The following NPFFR2 variants were observed in gnomAD, a reference collection of about 807,000 sequenced individuals.
NPFFR2 encodes the protein neuropeptide FF receptor 2, also known as G-protein coupled receptor 74.
A neutral mutation model predicts 13.1 loss-of-function variants in NPFFR2; 15 were observed. That is an observed-to-expected ratio of 1.15 (90% CI 0.77 to 1.76). NPFFR2 has a LOEUF of 1.76. NPFFR2 is among the 40% of genes most tolerant of loss of function. The probability of loss-of-function intolerance (pLI) is 0.00; values close to 1 mark genes in which losing one functional copy is unlikely to be tolerated. For synonymous variants in NPFFR2, 190 were observed against 175.7 expected (o/e 1.08, Z -0.65); for missense variants, 572 against 503.5 (o/e 1.14, Z -1.30).
chr4:72,048,178 A>T (rs909893958), intron 1 of NPFFR2, among the ~76,000 whole-genome samples: 1 of 152,222 alleles, frequency 6.6e-6, no homozygotes, highest in African/African-American at 2.4e-5. Flanking sequence ...ATTGGCAGCA[A>T]GATTCAATGG....
intron 1 of NPFFR2, among the ~76,000 whole-genome samples, chr4:72,066,343 C>T (rs1199434323): frequency 6.6e-6 from 1 of 152,138 alleles, no homozygotes; most frequent in Non-Finnish European, 1.5e-5. Context: ...TCTCGTTGGT[C>T]ATTAAGTTTT....
At position 72,032,037 on chromosome 4, in the gene NPFFR2, G is replaced by C. The variant is rs748302459; in HGVS notation, c.-171G>C. ...GCAGCGCGGCGGGCCAGCCTGGAGC[G>C]GAAGCCTGGAGTGGAGCAGGCAGTC... On this transcript the variant is annotated 5_prime_UTR_variant, in exon 1 of 4. Transcript: ENST00000308744. 2 of 1,614,002 alleles carry C rather than the reference G, an allele frequency of 1.2e-6. No homozygotes were observed. Among genetic ancestry groups the C allele is most frequent in the African/African-American group, 1.3e-5 (1 of 75,054 alleles).
At chr4:72,033,668 T>C (rs891698571) in intron 1 of NPFFR2, among the ~76,000 whole-genome samples, 1 of 152,220 alleles carries the variant, frequency 6.6e-6, no homozygotes, top group African/African-American at 2.4e-5. Flanking sequence ...GGCAGTTTTA[T>C]TCTTGGTGCA....
intron 1 of NPFFR2, among the ~76,000 whole-genome samples, chr4:72,076,710 G>A (rs1488463776): frequency 1.3e-5 from 2 of 152,088 alleles, no homozygotes; most frequent in African/African-American, 2.4e-5. Flanking sequence ...CCAGCTTGAG[G>A]GTAACCAGAT....
intron 1 of NPFFR2, among the ~76,000 whole-genome samples, chr4:72,120,532 C>T (rs911529032): frequency 6.6e-6 from 1 of 152,200 alleles, no homozygotes; most frequent in African/African-American, 2.4e-5. Context: ...GCAGGGGCCC[C>T]TCTGGGACAA....
intron 1 of NPFFR2, among the ~76,000 whole-genome samples, chr4:72,077,366 G>GA (rs1046194229): frequency 6.6e-6 from 1 of 152,194 alleles, no homozygotes; most frequent in East Asian, 1.9e-4. Context: ...CATGGGCCAG[G>GA]AAAATGACAA....
intron 1 of NPFFR2, among the ~76,000 whole-genome samples, chr4:72,091,999 G>C (rs1720929695): frequency 6.6e-6 from 1 of 151,906 alleles, no homozygotes; most frequent in Non-Finnish European, 1.5e-5. Flanking sequence ...TTTTAACACT[G>C]TTTTTGCTAT....
rs566442025 is a variant in NPFFR2, at chr4:72,036,733, G to A, written c.-8+4533G>A. Among the ~76,000 whole-genome samples, 4 of 151,618 alleles carry A rather than the reference G, an allele frequency of 2.6e-5. 1 individual carries two copies. Among genetic ancestry groups the A allele is most frequent in the South Asian group, 2.1e-4 (1 of 4,820 alleles). ...GACAGACTAATCTTAAGAATCTTAAGTGTTGTCTTGGACAGGAGGTATTTA... is the reference window on the plus strand; with the variant it reads ...GACAGACTAATCTTAAGAATCTTAAATGTTGTCTTGGACAGGAGGTATTTA... On this transcript the variant is annotated intron_variant, in intron 1 of 3. Transcript: ENST00000308744.
chr4:72,067,696 A>T (rs1231276132), intron 1 of NPFFR2, among the ~76,000 whole-genome samples: 3 of 152,170 alleles, frequency 2.0e-5, no homozygotes, highest in Non-Finnish European at 2.9e-5. Flanking sequence ...TACTTTGCTT[A>T]TAGAGATTTC....
chr4:72,127,553 C>G (rs530867687), intron 1 of NPFFR2, among the ~76,000 whole-genome samples: 9 of 128,434 alleles, frequency 7.0e-5, no homozygotes, highest in African/African-American at 3.8e-4. Flanking sequence ...TTAGTAGAGA[C>G]GGGGTTTCAC....
At chr4:72,070,844 G>C (rs9884144) in intron 1 of NPFFR2, among the ~76,000 whole-genome samples, 136,882 of 152,116 alleles carry the variant, frequency 0.9, 62,540 homozygotes, top group Non-Finnish European at 0.98. Context: ...GATTGAAAAC[G>C]TATTGTATAC....
chr4:72,145,513 T>C (rs548571804), intron 3 of NPFFR2, among the ~76,000 whole-genome samples: 2 of 152,236 alleles, frequency 1.3e-5, no homozygotes, highest in Admixed American at 6.5e-5. Flanking sequence ...TTAGTAGGTA[T>C]TCAAAAAGAG....
At chr4:72,081,076 G>A (rs892608723) in intron 1 of NPFFR2, among the ~76,000 whole-genome samples, 4 of 152,256 alleles carry the variant, frequency 2.6e-5, no homozygotes, top group Admixed American at 1.3e-4. Context: ...GCTTCAAGAT[G>A]ACTGTTTAAT....
At chr4:72,119,464 T>C (rs1007373538) in intron 1 of NPFFR2, among the ~76,000 whole-genome samples, 6 of 152,096 alleles carry the variant, frequency 3.9e-5, no homozygotes, top group African/African-American at 1.2e-4. Flanking sequence ...GAAATAAGCA[T>C]TGAAAAATCT....
At chr4:72,082,016 G>T (rs1044281762) in intron 1 of NPFFR2, among the ~76,000 whole-genome samples, 4 of 152,136 alleles carry the variant, frequency 2.6e-5, no homozygotes. Context: ...TCAGGGAGTG[G>T]GATGAGGGTT....
intron 1 of NPFFR2, among the ~76,000 whole-genome samples, chr4:72,127,305 A>C (rs1357474828): frequency 1.7e-5 from 2 of 114,414 alleles, no homozygotes; most frequent in Non-Finnish European, 3.3e-5. Flanking sequence ...CTCCATCTCA[A>C]AAAAAAAAAA....
At chr4:72,083,984 C>T (rs1720701243) in intron 1 of NPFFR2, among the ~76,000 whole-genome samples, 1 of 152,106 alleles carries the variant, frequency 6.6e-6, no homozygotes, top group African/African-American at 2.4e-5. Flanking sequence ...GTCAACACTA[C>T]CACCACCAAA....
Position 72,147,261 on chromosome 4 carries a change from A to G in NPFFR2, c.712A>G (p.Met238Val), listed in dbSNP as rs778537526. ...GGCTCCCCTCTCCCTCATTGTCATC[A>G]TGTATGGAAGGATTGGAATTTCACT... ...YLAPLSLIVI[M>V]YGRIGISLFR... The change falls in exon 4 of 4, where the codon ATG (methionine) becomes GTG (valine). Residue 238 changes from methionine (M) to valine (V), a missense_variant. By Grantham distance (21) the Met-to-Val change is conservative (BLOSUM62 1). Transcript: ENST00000308744. The G allele has an allele frequency of 1.3e-5, 21 of 1,614,058 alleles. No homozygotes were observed. Among genetic ancestry groups the G allele is most frequent in the Non-Finnish European group, 1.8e-5 (21 of 1,180,002 alleles).
intron 1 of NPFFR2, among the ~76,000 whole-genome samples, chr4:72,070,569 GGGGT>G (rs1720221288): frequency 7.3e-6 from 1 of 137,300 alleles, no homozygotes; most frequent in South Asian, 2.4e-4. Flanking sequence ...GTGGGGGGGG[GGGGT>G]GGGGCTCTGG....
Sources: gnomAD v4.1 joint callset for allele counts (sites outside exome capture counted in the v4.1 genomes callset) on GRCh38, gnomAD v4.1.1 for gene constraint, MANE v1.5 for transcripts, NCBI Gene and HGNC (gene_info 2026-07-23, HGNC 2026-07-21) for gene names.